The following PIEZO1 variants were observed in gnomAD, a reference collection of about 807,000 sequenced individuals.
PIEZO1 encodes the protein piezo type mechanosensitive ion channel component 1 (Er blood group).
In PIEZO1, 296 loss-of-function variants were observed where a neutral mutation model predicts 297.2. The ratio of observed to expected loss-of-function variants is 1.00; its 90% CI spans 0.91 to 1.10. The LOEUF is 1.10. Ranked by LOEUF, PIEZO1 falls within the 50% of genes least tolerant of loss-of-function variation. The probability of loss-of-function intolerance (pLI) is 0.00; values close to 1 mark genes in which losing one functional copy is unlikely to be tolerated. For missense variants in PIEZO1, 5,018 were observed against 3,455.5 expected (o/e 1.45, Z -11.34); for synonymous variants, 2,427 against 1,507.5 (o/e 1.61, Z -14.13).
In PIEZO1 at chr16:88,721,632, G is replaced by T; in HGVS notation, c.5309C>A (p.Pro1770Gln). The change falls in exon 38 of 51, where the codon CCG becomes CAG. Residue 1770 changes from proline (P) to glutamine (Q), a missense_variant. Transcript: ENST00000301015. ...LRRYENKPYF[P>Q]PRILGLEKTD... Reference sequence around the variant, plus strand: ...CTTCTCCAGGCCCAGGATGCGGGGCGGGAAGTAGGGCTTGTTCTCGTAGCG... The same window carrying T: ...CTTCTCCAGGCCCAGGATGCGGGGCTGGAAGTAGGGCTTGTTCTCGTAGCG... The T allele has an allele frequency of 2.6e-6, 4 of 1,550,174 alleles. No individual in the cohort carries two copies. Among genetic ancestry groups the T allele is most frequent in the Non-Finnish European group, 3.5e-6 (4 of 1,146,818 alleles).
At chr16:88,729,558 G>A (rs1266773471) in intron 22 of PIEZO1, among the ~76,000 whole-genome samples, 1 of 133,362 alleles carries the variant, frequency 7.5e-6, no homozygotes, top group Non-Finnish European at 1.6e-5. Flanking sequence ...TGCCACAGAG[G>A]GAACCTCGTG....
rs1164165224 is a variant in PIEZO1 at position 88,734,046 on chromosome 16, G to A, written c.2189C>T (p.Ala730Val). 2 of 1,523,346 alleles carry A rather than the reference G, an allele frequency of 1.3e-6. No homozygotes were observed. Among genetic ancestry groups the A allele is most frequent in the South Asian group, 1.2e-5 (1 of 81,488 alleles). 94.4% of individuals were successfully genotyped at this position (1,523,346 alleles called of 1,614,324 possible). A position where few individuals can be genotyped will look rare whatever the true frequency, so the allele number is the denominator to read the frequency against. The change falls in exon 17 of 51, where the codon GCA (alanine) becomes GTA (valine). Residue 730 changes from alanine to valine, a missense_variant. By Grantham distance (64) the Ala-to-Val change is moderately conservative. Coordinates refer to ENST00000301015, the MANE Select transcript of PIEZO1 (RefSeq NM_001142864.4). Reference protein sequence around the residue: ...RLPRWAHRQDAVSGTPLLREE... With the variant: ...RLPRWAHRQDVVSGTPLLREE... The stretch of plus-strand genomic sequence containing the variant: ...CCGCAGCAGTGGGGTCCCACTCACT[G>A]CATCCTGCCTGGGAGAGGGTCCGAA...
chr16:88,737,538 C>A (rs981964681), intron 10 of PIEZO1, 21 bp downstream of exon 10: 1 of 1,501,724 alleles, frequency 6.7e-7, no homozygotes, highest in East Asian at 2.5e-5. Context: ...CCAGCCATAC[C>A]TTGCAGTGTG....
chr16:88,742,439 G>GGGTGA lies in PIEZO1; in HGVS notation c.161-22_161-18dup. 6.5e-7 allele frequency: 1 copy of GGGTGA among 1,533,624 alleles called. No individual in the cohort carries two copies. The highest frequency in any genetic ancestry group is 8.7e-7 in the Non-Finnish European group (1 of 1,146,218). On this transcript the variant is annotated splice_polypyrimidine_tract_variant and intron_variant, in intron 2 of 50. Transcript: ENST00000301015. ...CTGTGTGACCTGCGGCAGAGCGAGT[G>GGGTGA]GGTGAGGCTGGTCCCGGGGACGGGG...
At chr16:88,745,898 C>G (rs1270302882) in intron 2 of PIEZO1, 1 of 152,266 alleles carries the variant, frequency 6.6e-6, no homozygotes, top group Admixed American at 6.5e-5. Context: ...GCCCTTGGAC[C>G]CCGGCACGGC....
chr16:88,721,790 C>A lies in PIEZO1; in HGVS notation c.5214+18G>T. 6.5e-7 allele frequency: 1 copy of A among 1,536,220 alleles called. No homozygotes were observed. The highest frequency in any genetic ancestry group is 1.4e-5 in the African/African-American group (1 of 72,920). ...GCGCGGTGGGCCGGGCGCCCCCTCC[C>A]CCGCGGCCTCGGCCCACCTCGGTGA... On this transcript the variant is annotated intron_variant, in intron 37 of 50. Coordinates refer to ENST00000301015, the MANE Select transcript of PIEZO1 (RefSeq NM_001142864.4).
At chr16:88,740,364 C>T (rs1041567226) in intron 5 of PIEZO1, 17 of 152,500 alleles carry the variant, frequency 1.1e-4, no homozygotes, top group Non-Finnish European at 2.3e-4. Flanking sequence ...TGAAGATGAC[C>T]AGAGTCCAGC....
chr16:88,726,054 G>C, intron 27 of PIEZO1: 1 of 576,650 alleles, frequency 1.7e-6, no homozygotes, highest in Non-Finnish European at 3.1e-6. Flanking sequence ...TGAGACACCA[G>C]CCACCGTCAG....
intron 22 of PIEZO1, among the ~76,000 whole-genome samples, chr16:88,730,665 C>A (rs964423581): frequency 8.7e-5 from 13 of 150,274 alleles, no homozygotes; most frequent in African/African-American, 3.2e-4. Flanking sequence ...CTCCTGGCCT[C>A]AAGGGATGCT....
At chr16:88,741,436 C>T (rs758846909) in intron 5 of PIEZO1, 42 bp downstream of exon 5, 71 of 1,492,488 alleles carry the variant, frequency 4.8e-5, no homozygotes, top group Admixed American at 6.6e-5. Flanking sequence ...CCACAGCTCT[C>T]GAATGACCTC....
At position 88,743,680 on chromosome 16, in the gene PIEZO1, C is replaced by T; in HGVS notation, c.161-1258G>A. 6.6e-6 allele frequency: 3 copies of T among 456,416 alleles called. No homozygotes were observed. The Admixed American group carries it at 7.0e-5, about 11-fold the overall frequency. The allele number at this position is 456,416 out of a possible 1,614,324, so 28.3% of individuals were successfully genotyped here. ...CTTTCTGGAGCAAAGACTCATGACC[C>T]ACGTCCAAGTCACCCTGCACATCCC... On this transcript the variant is annotated intron_variant, in intron 2 of 50. Transcript: ENST00000301015.
intron 35 of PIEZO1, 38 bp from the exon 36 acceptor site, chr16:88,722,435 A>C: frequency 2.0e-6 from 3 of 1,472,808 alleles, no homozygotes; most frequent in Non-Finnish European, 2.7e-6. Flanking sequence ...ATCCTGCTCT[A>C]TGGCCTGACC....
intron 39 of PIEZO1, 23 bp downstream of exon 39, chr16:88,721,143 G>A (rs910720320): frequency 1.2e-5 from 18 of 1,468,126 alleles, no homozygotes; most frequent in East Asian, 2.5e-5. Flanking sequence ...TAGGCAGGAG[G>A]TTGTGAGGCA....
At chr16:88,783,865 G>A (rs980831396) in intron 1 of PIEZO1, among the ~76,000 whole-genome samples, 19 of 152,244 alleles carry the variant, frequency 1.2e-4, no homozygotes, top group African/African-American at 3.6e-4. Flanking sequence ...AGCTAGCGCT[G>A]GGCGAGCTCC....
At chr16:88,724,008 C>G (rs1279174615) in intron 30 of PIEZO1, 37 bp from the exon 31 acceptor site, 1 of 1,268,950 alleles carries the variant, frequency 7.9e-7, no homozygotes, top group South Asian at 1.3e-5. Context: ...GCCTTCCATG[C>G]AGGGAGACTC....
rs1258067049 is a variant in PIEZO1 at position 88,717,140 on chromosome 16, G to T, written c.6543C>A (p.Leu2181=). ...GGAACCAGATGATGGCGATGAGGAA[G>T]AGGATGATGAGGCCACCCATGCCGT... ...VKYGMGGLII[L]FLIAIIWFPL... is the part of the protein sequence containing the mutation. Residue 2181 remains leucine, a synonymous_variant, in exon 45 of 51, where the codon CTC becomes CTA. Coordinates refer to ENST00000301015, the MANE Select transcript of PIEZO1 (RefSeq NM_001142864.4). 2.6e-6 allele frequency: 4 copies of T among 1,551,240 alleles called. No homozygotes were observed. Among genetic ancestry groups the T allele is most frequent in the African/African-American group, 1.4e-5 (1 of 73,062 alleles).
chr16:88,730,042 G>A (rs926280055), intron 22 of PIEZO1, among the ~76,000 whole-genome samples: 2 of 152,260 alleles, frequency 1.3e-5, no homozygotes, highest in African/African-American at 4.8e-5. Flanking sequence ...CTTGATAGCA[G>A]GTATTTCAAC....
At chr16:88,756,532 T>TCAGAA (rs1906663347) in intron 1 of PIEZO1, among the ~76,000 whole-genome samples, 1 of 151,914 alleles carries the variant, frequency 6.6e-6, no homozygotes, top group African/African-American at 2.4e-5. Flanking sequence ...GGCGGGAAGA[T>TCAGAA]GGCTCAAGCC....
At chr16:88,782,932 A>G (rs1436093588) in intron 1 of PIEZO1, among the ~76,000 whole-genome samples, 1 of 152,020 alleles carries the variant, frequency 6.6e-6, no homozygotes, top group Admixed American at 6.6e-5. Context: ...CCCAGGCCCC[A>G]CGCCCCATCC....
Sources: gnomAD v4.1 joint callset for allele counts (sites outside exome capture counted in the v4.1 genomes callset) on GRCh38, gnomAD v4.1.1 for gene constraint, MANE v1.5 for transcripts, NCBI Gene and HGNC (gene_info 2026-07-23, HGNC 2026-07-21) for gene names.